Variants in SYNE2 observed in about 807,000 individuals in gnomAD.
The protein encoded by SYNE2 is nesprin-2.
Under a neutral mutation model 856.3 loss-of-function variants are expected in SYNE2, and 431 were observed. That is an observed-to-expected ratio of 0.50 (90% CI 0.47 to 0.55). SYNE2 has a LOEUF of 0.55. SYNE2 is among the 20% of genes least tolerant of loss of function. The pLI is 0.00. For synonymous variants in SYNE2, 2,923 were observed against 2,872.3 expected (o/e 1.02, Z -0.56); for missense variants, 8,129 against 8,023.2 (o/e 1.01, Z -0.50).
intron 1 of SYNE2, among the ~76,000 whole-genome samples, chr14:63,809,620 C>G (rs1888535900): frequency 6.6e-6 from 1 of 152,182 alleles, no homozygotes; most frequent in African/African-American, 2.4e-5. Flanking sequence ...CTGCCTCATC[C>G]TCCCAAGTAG....
At chr14:64,084,296 CAGTT>C (rs902307684) in intron 57 of SYNE2, 4 of 152,164 alleles carry the variant, frequency 2.6e-5, no homozygotes, top group African/African-American at 7.2e-5. Context: ...TTTTAAGTAG[CAGTT>C]AGGTAAGTTT....
intron 34 of SYNE2, among the ~76,000 whole-genome samples, chr14:64,018,933 TTC>T (rs1270978621): frequency 2.0e-5 from 3 of 152,232 alleles, no homozygotes; most frequent in African/African-American, 4.8e-5. Context: ...CTAGGAAGAA[TTC>T]TTCCTAATTG....
chr14:63,960,862 TAG>T (rs374150435), intron 8 of SYNE2: 1 of 684,812 alleles, frequency 1.5e-6, no homozygotes, highest in Non-Finnish European at 2.7e-6. Flanking sequence ...CTGGACAACA[TAG>T]AGAGACCCTG....
intron 28 of SYNE2, among the ~76,000 whole-genome samples, chr14:64,001,585 A>G (rs1330885593): frequency 6.6e-6 from 1 of 152,216 alleles, no homozygotes; most frequent in East Asian, 1.9e-4. Flanking sequence ...GAGTGAAAGG[A>G]GAAATCATTA....
At chr14:63,804,434 A>T (rs535070841) in intron 1 of SYNE2, among the ~76,000 whole-genome samples, 25 of 152,074 alleles carry the variant, frequency 1.6e-4, no homozygotes, top group Middle Eastern at 3.4e-3. Flanking sequence ...CTTGAAATCG[A>T]CGATGACCTA....
intron 1 of SYNE2, among the ~76,000 whole-genome samples, chr14:63,893,903 G>C (rs539913247): frequency 1.3e-5 from 2 of 152,152 alleles, no homozygotes; most frequent in Non-Finnish European, 1.5e-5. Flanking sequence ...GGTCTAACGA[G>C]CTAGGCGATG....
intron 8 of SYNE2, 64 bp downstream of exon 8, chr14:63,954,979 A>G: frequency 7.5e-7 from 1 of 1,340,648 alleles, no homozygotes; most frequent in Non-Finnish European, 1.1e-6. Flanking sequence ...ATTTCAAAAT[A>G]GTATCTATAC....
At chr14:64,214,017 TTGTCTAAAC>T in intron 105 of SYNE2, 168 bp from the exon 106 acceptor site, 1 of 887,374 alleles carries the variant, frequency 1.1e-6, no homozygotes. Context: ...CCACTCCAGA[TTGTCTAAAC>T]TGGAATAACC....
chr14:64,104,446 C>CTTTTTTTTTTTTT (rs34102150), intron 64 of SYNE2, among the ~76,000 whole-genome samples: 1 of 118,804 alleles, frequency 8.4e-6, no homozygotes, highest in African/African-American at 3.6e-5. Flanking sequence ...CCTGTTTTCT[C>CTTTTTTTTTTTTT]TTTTTTTTTT....
intron 1 of SYNE2, among the ~76,000 whole-genome samples, chr14:63,842,185 C>T (rs556744676): frequency 4.6e-5 from 7 of 150,656 alleles, no homozygotes; most frequent in African/African-American, 1.2e-4. Flanking sequence ...TTGTTGTTGT[C>T]GTTTTGAGAC....
intron 32 of SYNE2, among the ~76,000 whole-genome samples, chr14:64,014,235 T>C (rs2096870350): frequency 1.3e-5 from 2 of 152,222 alleles, no homozygotes; most frequent in Admixed American, 1.3e-4. Context: ...CAGTATTCCA[T>C]GGTATAAATG....
At chr14:64,190,414 C>G (rs2098512668) in intron 99 of SYNE2, among the ~76,000 whole-genome samples, 177 bp downstream of exon 99, 1 of 152,136 alleles carries the variant, frequency 6.6e-6, no homozygotes, top group East Asian at 1.9e-4. Flanking sequence ...GAATTATATG[C>G]TAGTATATCC....
intron 1 of SYNE2, among the ~76,000 whole-genome samples, chr14:63,903,614 C>T (rs1181786588): frequency 6.6e-6 from 1 of 152,176 alleles, no homozygotes; most frequent in Admixed American, 6.5e-5. Flanking sequence ...TAGGCATGTG[C>T]CTGGTCTTTT....
At chr14:64,057,252 A>G in intron 49 of SYNE2, among the ~76,000 whole-genome samples, 1 of 151,768 alleles carries the variant, frequency 6.6e-6, no homozygotes, top group Admixed American at 6.6e-5. Flanking sequence ...CCCATTTACC[A>G]TCTCCCTTCC....
intron 2 of SYNE2, among the ~76,000 whole-genome samples, chr14:63,931,930 T>C (rs2095761582): frequency 1.3e-5 from 2 of 152,240 alleles, no homozygotes; most frequent in South Asian, 4.1e-4. Context: ...GCTCTAAGAT[T>C]AGCTTTTAAT....
intron 1 of SYNE2, among the ~76,000 whole-genome samples, chr14:63,875,478 C>T (rs1172234907): frequency 6.6e-6 from 1 of 152,168 alleles, no homozygotes; most frequent in Non-Finnish European, 1.5e-5. Context: ...CCAACACCAT[C>T]ACTTCCTCCT....
Position 64,049,645 on chromosome 14 carries a change from C to T in SYNE2, c.7412C>T (p.Ala2471Val), listed in dbSNP as rs969043661. The T allele has an allele frequency of 3.7e-6, 6 of 1,613,904 alleles. No individual in the cohort carries two copies. The highest frequency in any genetic ancestry group is 5.1e-6 in the Non-Finnish European group (6 of 1,179,986). Reference protein sequence around the residue: ...LYTQLEAKKAAIKPLEQTECL... With the variant: ...LYTQLEAKKAVIKPLEQTECL... ...ACCCAGTTGGAAGCAAAGAAAGCAG[C>T]CATTAAGCCACTGGAACAAACAGAA... Residue 2471 changes from alanine to valine, a missense_variant, in exon 47 of 116, where the codon GCC (alanine) becomes GTC (valine). By Grantham distance (64) the Ala-to-Val change is moderately conservative. Around this residue, in one of 3 missense-constraint regions of SYNE2, gnomAD observed 5,410 missense variants for 5,284.8 expected, o/e 1.02. Coordinates refer to ENST00000555002, the MANE Select transcript of SYNE2 (RefSeq NM_182914.3).
At chr14:63,997,225 T>C in intron 24 of SYNE2, 67 bp downstream of exon 24, 1 of 1,583,776 alleles carries the variant, frequency 6.3e-7, no homozygotes, top group Non-Finnish European at 8.7e-7. Flanking sequence ...TCAAATGACA[T>C]TAAGCGTTAG....
intron 1 of SYNE2, among the ~76,000 whole-genome samples, chr14:63,800,868 A>G (rs1039666177): frequency 4.6e-5 from 7 of 152,152 alleles, no homozygotes; most frequent in Non-Finnish European, 1.5e-5. Context: ...TACTGGGCTT[A>G]ATACCCGAGT....
Sources: allele counts gnomAD v4.1 joint callset (sites outside exome capture counted in the v4.1 genomes callset), GRCh38; gene constraint gnomAD v4.1.1; regional missense constraint gnomAD v4.1.1; transcripts MANE v1.5; gene names NCBI Gene and HGNC (gene_info 2026-07-23, HGNC 2026-07-21).